CUX1: variants seen among roughly 807,000 people sequenced by gnomAD.
CUX1 encodes the protein cut like homeobox 1.
A neutral mutation model predicts 158.8 loss-of-function variants in CUX1; 31 were observed. The ratio of observed to expected loss-of-function variants is 0.20; its 90% CI spans 0.15 to 0.26. The LOEUF is 0.26. CUX1 is among the 10% of genes least tolerant of loss of function. The pLI, the probability that CUX1 is intolerant of heterozygous loss-of-function variation, is 1.00. For missense variants in CUX1, 1,589 were observed against 2,014.6 expected (o/e 0.79, Z 4.04); for synonymous variants, 879 against 862.1 (o/e 1.02, Z -0.34).
intron 1 of CUX1, among the ~76,000 whole-genome samples, chr7:101,914,430 C>G (rs1415293137): frequency 2.2e-5 from 3 of 137,758 alleles, no homozygotes; most frequent in Non-Finnish European, 4.7e-5. Flanking sequence ...CTCCCTCCCT[C>G]CGTCCTTCCC....
intron 20 of CUX1, among the ~76,000 whole-genome samples, chr7:102,208,032 G>T (rs1290244158): frequency 2.0e-5 from 3 of 151,848 alleles, no homozygotes; most frequent in Non-Finnish European, 4.4e-5. Flanking sequence ...TACAAAAAAT[G>T]CAAAAATTAG....
At chr7:102,217,316 A>C (rs1410758859) in intron 20 of CUX1, among the ~76,000 whole-genome samples, 1 of 152,258 alleles carries the variant, frequency 6.6e-6, no homozygotes, top group Admixed American at 6.5e-5. Context: ...TAAAAGATAC[A>C]CAAGCCAACT....
rs1189641671 is a variant in CUX1 at position 101,984,117 on chromosome 7, T to C, written c.142-43981T>C. ...ATATATATATATATATATATATATA[T>C]ATATATATATATACACACACACATA... On this transcript the variant is annotated intron_variant, in intron 2 of 23. Transcript: ENST00000292535. Among the ~76,000 whole-genome samples the C allele has an allele frequency of 1.3e-4, 6 of 47,144 alleles. 1 individual carries two copies. The highest frequency in any genetic ancestry group is 4.4e-4 in the African/African-American group (6 of 13,562). The allele number at this position is 47,144 out of a possible 152,430, so 30.9% of individuals were successfully genotyped here.
intron 1 of CUX1, chr7:101,824,300 G>T (rs1793012719): frequency 6.6e-6 from 1 of 152,218 alleles, no homozygotes; most frequent in South Asian, 2.1e-4. Context: ...TGTTGGCCAG[G>T]CTGGTTTCAA....
chr7:101,946,232 G>A (rs1808353994), intron 2 of CUX1, among the ~76,000 whole-genome samples: 1 of 151,180 alleles, frequency 6.6e-6, no homozygotes, highest in Admixed American at 6.6e-5. Context: ...CAGGAGGGAA[G>A]ATTGCGCTTA....
At chr7:102,168,942 T>TTTG (rs1791410636) in intron 9 of CUX1, among the ~76,000 whole-genome samples, 1 of 139,764 alleles carries the variant, frequency 7.2e-6, no homozygotes, top group Non-Finnish European at 1.5e-5. Context: ...TATTTTCTTT[T>TTTG]TTTTTTTGAG....
rs1795686040 is a variant in CUX1, at chr7:102,203,760, G to T, written c.2908-631G>T. The stretch of plus-strand genomic sequence containing the variant: ...GTGTTTGTGCCTATACATATGTATG[G>T]CCATATGGGAGCGTCAGAAAACTCG... On this transcript the variant is annotated intron_variant, in intron 18 of 23. Coordinates refer to ENST00000292535, the MANE Select transcript of CUX1 (RefSeq NM_181552.4). Among the ~76,000 whole-genome samples the T allele has an allele frequency of 5.9e-5, 9 of 152,068 alleles. 1 individual carries two copies. In the South Asian group the frequency reaches 1.9e-3, roughly 31 times the overall value.
At chr7:102,196,389 C>T (rs1165091853) in intron 14 of CUX1, among the ~76,000 whole-genome samples, 1 of 152,168 alleles carries the variant, frequency 6.6e-6, no homozygotes, top group African/African-American at 2.4e-5. Flanking sequence ...AGGGGACTCT[C>T]CAGGCTGCAA....
At chr7:101,872,025 A>AAT in intron 1 of CUX1, among the ~76,000 whole-genome samples, 1 of 152,028 alleles carries the variant, frequency 6.6e-6, no homozygotes, top group African/African-American at 2.4e-5. Context: ...CCCCCCAAAA[A>AAT]AAAAAAAAGA....
At chr7:101,908,451 TTTG>T (rs937195545) in intron 1 of CUX1, among the ~76,000 whole-genome samples, 1 of 5,612 alleles carries the variant, frequency 1.8e-4, no homozygotes, top group African/African-American at 4.7e-4. Flanking sequence ...CAGCCTGTTT[TTTG>T]TTTGTTTGTT....
intron 20 of CUX1, among the ~76,000 whole-genome samples, chr7:102,209,989 C>T (rs147669463): frequency 6.6e-6 from 1 of 152,304 alleles, no homozygotes; most frequent in Non-Finnish European, 1.5e-5. Context: ...CAGGCTCAAA[C>T]AATCCTCTCT....
At chr7:102,080,889 A>G (rs1774599140) in intron 4 of CUX1, among the ~76,000 whole-genome samples, 1 of 152,198 alleles carries the variant, frequency 6.6e-6, no homozygotes, top group Admixed American at 6.5e-5. Context: ...TAACATATAA[A>G]CAAGCCCTAG....
At chr7:102,071,301 A>G (rs372989) in intron 4 of CUX1, among the ~76,000 whole-genome samples, 127,425 of 152,068 alleles carry the variant, frequency 0.84, 53,528 homozygotes, top group East Asian at 0.99. Context: ...TAAAATTTAA[A>G]TATGTTTGTG....
chr7:102,254,565 A>G lies in CUX1; in HGVS notation c.*5523A>G. The G allele has an allele frequency of 3.0e-6, 3 of 985,494 alleles. No individual in the cohort carries two copies. The highest frequency in any genetic ancestry group is 3.6e-6 in the Non-Finnish European group (3 of 829,990). 61.0% of individuals were successfully genotyped at this position (985,494 alleles called of 1,614,324 possible). A position where few individuals can be genotyped will look rare whatever the true frequency, so the allele number is the denominator to read the frequency against. ...GGTGGGTCTGTCCACTGTGGGGGCCAAAGTGTTCCCCTGCTGGAGACAGTT... is the reference window on the plus strand; with the variant it reads ...GGTGGGTCTGTCCACTGTGGGGGCCGAAGTGTTCCCCTGCTGGAGACAGTT... On this transcript the variant is annotated 3_prime_UTR_variant, in exon 24 of 24. Coordinates refer to ENST00000292535, the MANE Select transcript of CUX1 (RefSeq NM_181552.4).
At chr7:102,236,413 C>G (rs1423592047) in intron 22 of CUX1, among the ~76,000 whole-genome samples, 1 of 152,214 alleles carries the variant, frequency 6.6e-6, no homozygotes, top group Non-Finnish European at 1.5e-5. Context: ...CACATTGCCC[C>G]CCTAAAAGTT....
chr7:102,138,360 T>G (rs1563296869), intron 8 of CUX1, among the ~76,000 whole-genome samples: 1 of 152,204 alleles, frequency 6.6e-6, no homozygotes, highest in African/African-American at 2.4e-5. Flanking sequence ...TTGATCCTTT[T>G]CTTTTTTCTA....
chr7:101,986,116 C>T (rs1814267483), intron 2 of CUX1, among the ~76,000 whole-genome samples: 1 of 152,210 alleles, frequency 6.6e-6, no homozygotes, highest in African/African-American at 2.4e-5. Context: ...AAGAGCCCCT[C>T]ACAGACAATT....
chr7:102,032,523 G>T (rs1820913748), intron 3 of CUX1, among the ~76,000 whole-genome samples: 1 of 151,962 alleles, frequency 6.6e-6, no homozygotes, highest in Non-Finnish European at 1.5e-5. Context: ...ACAAAAATTA[G>T]GCGGGCATGA....
intron 14 of CUX1, among the ~76,000 whole-genome samples, chr7:102,266,533 G>A (rs1790824881): frequency 6.6e-6 from 1 of 151,980 alleles, no homozygotes; most frequent in Non-Finnish European, 1.5e-5. Context: ...TCCCACACTG[G>A]GGAGGCATCG....
Sources: gnomAD v4.1 joint callset for allele counts (sites outside exome capture counted in the v4.1 genomes callset) on GRCh38, gnomAD v4.1.1 for gene constraint, MANE v1.5 for transcripts, NCBI Gene and HGNC (gene_info 2026-07-23, HGNC 2026-07-21) for gene names.